ST6GALNAC3: variants seen among roughly 807,000 people sequenced by gnomAD.
ST6GALNAC3 encodes the protein alpha-N-acetylgalactosaminide alpha-2,6-sialyltransferase 3.
In ST6GALNAC3, 25 loss-of-function variants were observed where a neutral mutation model predicts 32.7. That is an observed-to-expected ratio of 0.76 (90% CI 0.56 to 1.07). ST6GALNAC3 has a LOEUF of 1.07. Among genes scored for constraint, ST6GALNAC3 ranks in the 50% least tolerant of loss-of-function variants. The pLI is 0.00. For missense variants in ST6GALNAC3, 355 were observed against 382.4 expected, an observed-to-expected ratio of 0.93 and a Z score of 0.60; for synonymous variants, 129 against 133.1, an observed-to-expected ratio of 0.97 and a Z score of 0.21.
chr1:76,192,966 A>G (rs1653989390), intron 1 of ST6GALNAC3, among the ~76,000 whole-genome samples: 1 of 152,202 alleles, frequency 6.6e-6, no homozygotes, highest in African/African-American at 2.4e-5. Context: ...CAATTTCCCC[A>G]GAAGGTAATT....
At chr1:76,115,580 A>G (rs1329674080) in intron 1 of ST6GALNAC3, among the ~76,000 whole-genome samples, 2 of 152,202 alleles carry the variant, frequency 1.3e-5, no homozygotes, top group African/African-American at 4.8e-5. Context: ...ATGAGTGGCT[A>G]GTAGCCTGTT....
intron 2 of ST6GALNAC3, among the ~76,000 whole-genome samples, chr1:76,386,187 A>T (rs998795580): frequency 6.6e-6 from 1 of 152,110 alleles, no homozygotes; most frequent in Admixed American, 6.5e-5. Flanking sequence ...ACTGACTTGA[A>T]CTGGAGTGAA....
In ST6GALNAC3 at chr1:76,404,713, A is replaced by G. The variant is rs1039343409; in HGVS notation, c.214-7295A>G. ...TGTTCAACCTGCTTTGTTCAAATTC[A>G]TTCAAATTGGATAATGAAAAGCAAA... On this transcript the variant is annotated intron_variant, in intron 2 of 4. Coordinates refer to ENST00000328299, the MANE Select transcript of ST6GALNAC3 (RefSeq NM_152996.4). Among the ~76,000 whole-genome samples the G allele has an allele frequency of 3.3e-5, 5 of 152,210 alleles. No individual in the cohort carries two copies. The South Asian group carries it at 1.0e-3, about 32-fold the overall frequency.
chr1:76,572,715 AG>A (rs558393097), intron 3 of ST6GALNAC3, among the ~76,000 whole-genome samples: 311 of 152,258 alleles, frequency 2.0e-3, no homozygotes, highest in African/African-American at 7.2e-3. Context: ...TTATGGAATA[AG>A]CCACCTGTTC....
chr1:76,594,482 G>A (rs1047346717), intron 3 of ST6GALNAC3, among the ~76,000 whole-genome samples: 5 of 152,232 alleles, frequency 3.3e-5, no homozygotes, highest in African/African-American at 1.2e-4. Context: ...TGTTTTCAGA[G>A]GATGTGTGTT....
At chr1:76,563,977 GA>G (rs1490830660) in intron 3 of ST6GALNAC3, among the ~76,000 whole-genome samples, 2 of 152,206 alleles carry the variant, frequency 1.3e-5, no homozygotes, top group Non-Finnish European at 2.9e-5. Flanking sequence ...CCAGGGAAGG[GA>G]AAGGGATGCC....
intron 1 of ST6GALNAC3, among the ~76,000 whole-genome samples, chr1:76,247,099 A>G (rs1657304765): frequency 6.6e-6 from 1 of 152,184 alleles, no homozygotes; most frequent in East Asian, 1.9e-4. Context: ...GGTCCACTCC[A>G]GAACTTGTTC....
Position 76,524,270 on chromosome 1 carries a change from T to C in ST6GALNAC3, c.624-103182T>C, listed in dbSNP as rs569570113. Among the ~76,000 whole-genome samples, 47 of 152,302 alleles carry C rather than the reference T, an allele frequency of 3.1e-4. No individual in the cohort carries two copies. The South Asian group carries it at 9.8e-3, about 32-fold the overall frequency. ...TTTACAATCATATTATAATGTCTTG[T>C]CAGTAGTAATTTGAGAGGGAAGATA... On this transcript the variant is annotated intron_variant, in intron 3 of 4. Transcript: ENST00000328299.
intron 1 of ST6GALNAC3, among the ~76,000 whole-genome samples, chr1:76,159,586 G>T (rs1651686018): frequency 6.6e-6 from 1 of 152,156 alleles, no homozygotes; most frequent in South Asian, 2.1e-4. Flanking sequence ...CATTTATTGT[G>T]CAAACAGTTG....
intron 1 of ST6GALNAC3, among the ~76,000 whole-genome samples, chr1:76,298,832 G>T (rs976591484): frequency 3.9e-5 from 6 of 151,972 alleles, no homozygotes; most frequent in African/African-American, 1.4e-4. Flanking sequence ...CTTGCCACTT[G>T]CACATCCCAT....
At chr1:76,275,811 A>G (rs1341761136) in intron 1 of ST6GALNAC3, among the ~76,000 whole-genome samples, 1 of 152,166 alleles carries the variant, frequency 6.6e-6, no homozygotes, top group East Asian at 1.9e-4. Context: ...ATTGTCTTGT[A>G]TATACTTGTC....
intron 2 of ST6GALNAC3, among the ~76,000 whole-genome samples, chr1:76,399,257 C>G (rs1025248791): frequency 6.6e-6 from 1 of 152,060 alleles, no homozygotes; most frequent in Non-Finnish European, 1.5e-5. Flanking sequence ...ATGTTTCCTA[C>G]CTGATGGTAT....
intron 3 of ST6GALNAC3, among the ~76,000 whole-genome samples, chr1:76,427,959 T>C (rs1299559837): frequency 6.6e-6 from 1 of 152,132 alleles, no homozygotes; most frequent in Non-Finnish European, 1.5e-5. Context: ...GTCCACCAAA[T>C]AGTCTCAGTC....
intron 2 of ST6GALNAC3, among the ~76,000 whole-genome samples, chr1:76,391,871 A>T (rs1652591669): frequency 6.6e-6 from 1 of 152,204 alleles, no homozygotes; most frequent in Non-Finnish European, 1.5e-5. Context: ...GGAAGTAGAC[A>T]GTTGTGGAAA....
At chr1:76,434,882 C>T (rs1656032362) in intron 3 of ST6GALNAC3, among the ~76,000 whole-genome samples, 1 of 150,442 alleles carries the variant, frequency 6.6e-6, no homozygotes, top group African/African-American at 2.4e-5. Flanking sequence ...CCTCTGCCTC[C>T]CAGATTCAAG....
intron 2 of ST6GALNAC3, among the ~76,000 whole-genome samples, chr1:76,408,334 G>A (rs184865520): frequency 2.0e-5 from 3 of 152,190 alleles, no homozygotes; most frequent in East Asian, 1.9e-4. Context: ...AAGTACAAAC[G>A]TCTCTTAAGA....
intron 3 of ST6GALNAC3, among the ~76,000 whole-genome samples, chr1:76,518,953 C>T (rs775492644): frequency 2.0e-5 from 3 of 152,096 alleles, no homozygotes; most frequent in Non-Finnish European, 4.4e-5. Context: ...TATAGCCTAG[C>T]TACTCAGGAG....
chr1:76,201,821 A>T (rs543887237), intron 1 of ST6GALNAC3, among the ~76,000 whole-genome samples: 5 of 152,302 alleles, frequency 3.3e-5, no homozygotes, highest in Non-Finnish European at 5.9e-5. Flanking sequence ...TAACAGAAAG[A>T]CATACAAAAA....
intron 2 of ST6GALNAC3, among the ~76,000 whole-genome samples, chr1:76,390,068 C>T (rs77467132): frequency 0.076 from 11,493 of 151,942 alleles, 480 homozygotes; most frequent in Middle Eastern, 0.12. Context: ...GTATACTTAT[C>T]GTTTTAATGG....
Sources: allele counts gnomAD v4.1 joint callset (sites outside exome capture counted in the v4.1 genomes callset), GRCh38; gene constraint gnomAD v4.1.1; transcripts MANE v1.5; gene names NCBI Gene and HGNC (gene_info 2026-07-23, HGNC 2026-07-21).